The following CHRM3 variants were observed in gnomAD, a reference collection of about 807,000 sequenced individuals.
The protein encoded by CHRM3 is muscarinic acetylcholine receptor M3.
In CHRM3, 11 loss-of-function variants were observed where a neutral mutation model predicts 41.8. The observed-to-expected ratio is 0.26, with a 90% confidence interval of 0.17 to 0.44. The LOEUF (loss-of-function observed/expected upper bound fraction) is 0.44. Among genes scored for constraint, CHRM3 ranks in the 20% least tolerant of loss-of-function variants. The pLI is 1.00. For missense variants in CHRM3, 571 were observed against 745.4 expected, an observed-to-expected ratio of 0.77 and a Z score of 2.72; for synonymous variants, 297 against 301.4, an observed-to-expected ratio of 0.99 and a Z score of 0.15.
intron 4 of CHRM3, among the ~76,000 whole-genome samples, chr1:239,641,378 C>T (rs1671134183): frequency 6.7e-6 from 1 of 149,950 alleles, no homozygotes; most frequent in Admixed American, 6.7e-5. Flanking sequence ...TAAAGTCTCC[C>T]ATTATTATTG....
intron 3 of CHRM3, among the ~76,000 whole-genome samples, chr1:239,601,956 A>T (rs1219457353): frequency 2.6e-5 from 4 of 151,764 alleles, no homozygotes; most frequent in Non-Finnish European, 1.5e-5. Context: ...CATAATGTCA[A>T]TAAATTGATC....
At chr1:239,496,743 A>G (rs2148105484) in intron 2 of CHRM3, among the ~76,000 whole-genome samples, 1 of 152,216 alleles carries the variant, frequency 6.6e-6, no homozygotes, top group South Asian at 2.1e-4. Context: ...GGTTTTTAAA[A>G]AGAATTTTGT....
intron 5 of CHRM3, among the ~76,000 whole-genome samples, chr1:239,820,502 C>A (rs2149040296): frequency 6.6e-6 from 1 of 152,272 alleles, no homozygotes; most frequent in South Asian, 2.1e-4. Context: ...TTATTGTTTT[C>A]TTCTATGATA....
chr1:239,862,633 T>C (rs914218706), intron 6 of CHRM3, among the ~76,000 whole-genome samples: 1 of 152,234 alleles, frequency 6.6e-6, no homozygotes. Flanking sequence ...TTGATAGTTA[T>C]TGATTTGATT....
chr1:239,883,808 T>G (rs1379100938), intron 6 of CHRM3, among the ~76,000 whole-genome samples: 1 of 152,206 alleles, frequency 6.6e-6, no homozygotes, highest in Non-Finnish European at 1.5e-5. Flanking sequence ...GAACAAAATG[T>G]CTCCTGTCTA....
At chr1:239,727,299 C>T (rs554515830) in intron 5 of CHRM3, among the ~76,000 whole-genome samples, 2 of 151,886 alleles carry the variant, frequency 1.3e-5, no homozygotes, top group South Asian at 4.1e-4. Context: ...TGCACCTGAC[C>T]CCAAAAGAAT....
At chr1:239,397,747 C>CTATATATATTTCTA (rs1558189776) in intron 1 of CHRM3, among the ~76,000 whole-genome samples, 1 of 145,738 alleles carries the variant, frequency 6.9e-6, no homozygotes, top group African/African-American at 2.5e-5. Context: ...AAAAATATAT[C>CTATATATATTTCTA]TATATATATT....
chr1:239,409,647 G>C (rs188504812), intron 1 of CHRM3, among the ~76,000 whole-genome samples: 10 of 152,136 alleles, frequency 6.6e-5, no homozygotes, highest in Non-Finnish European at 1.3e-4. Context: ...TAAAATTTGG[G>C]CTTGTCATGA....
At chr1:239,781,294 G>A (rs1469102961) in intron 5 of CHRM3, among the ~76,000 whole-genome samples, 2 of 152,082 alleles carry the variant, frequency 1.3e-5, no homozygotes. Flanking sequence ...TAGTTTCAGA[G>A]TTTCAGAGTT....
intron 3 of CHRM3, among the ~76,000 whole-genome samples, chr1:239,553,352 A>T (rs1352521014): frequency 1.3e-5 from 2 of 152,030 alleles, no homozygotes; most frequent in African/African-American, 4.8e-5. Context: ...ATAATTAAAG[A>T]TTTCCCCTAC....
Position 239,441,362 on chromosome 1 carries a change from C to T in CHRM3, c.-520-51347C>T, listed in dbSNP as rs539444956. Reference sequence around the variant, plus strand: ...TAAGTAAGGTCTTAGACTATTGTACCTTTCATCAGTATCTACTAAGATGTT... The same window carrying T: ...TAAGTAAGGTCTTAGACTATTGTACTTTTCATCAGTATCTACTAAGATGTT... On this transcript the variant is annotated intron_variant, in intron 1 of 6. Coordinates refer to ENST00000676153, the MANE Select transcript of CHRM3 (RefSeq NM_001375978.1). Among the ~76,000 whole-genome samples, 5 of 152,288 alleles carry T rather than the reference C, an allele frequency of 3.3e-5. No homozygotes were observed. The South Asian group carries it at 6.2e-4, about 19-fold the overall frequency.
chr1:239,684,678 G>T, intron 5 of CHRM3, among the ~76,000 whole-genome samples: 1 of 140,872 alleles, frequency 7.1e-6, no homozygotes, highest in African/African-American at 2.7e-5. Flanking sequence ...AAGAAAAAAA[G>T]GAAGGAAGGA....
chr1:239,537,750 C>CT (rs1323424994), intron 2 of CHRM3, among the ~76,000 whole-genome samples: 1 of 152,112 alleles, frequency 6.6e-6, no homozygotes, highest in African/African-American at 2.4e-5. Flanking sequence ...ATCCTAATTT[C>CT]TTTTTTGCAA....
chr1:239,496,009 T>G (rs1667852814), intron 2 of CHRM3, among the ~76,000 whole-genome samples: 1 of 152,170 alleles, frequency 6.6e-6, no homozygotes, highest in South Asian at 2.1e-4. Context: ...GCAACTTCTC[T>G]GTTCCTGGTA....
At chr1:239,737,478 T>C (rs1000787066) in intron 5 of CHRM3, among the ~76,000 whole-genome samples, 48 of 152,200 alleles carry the variant, frequency 3.2e-4, no homozygotes, top group African/African-American at 1.1e-3. Flanking sequence ...GGTGTTCAGA[T>C]GTTTCAAATG....
chr1:239,435,378 G>A (rs1340579188), intron 1 of CHRM3, among the ~76,000 whole-genome samples: 1 of 151,722 alleles, frequency 6.6e-6, no homozygotes, highest in Non-Finnish European at 1.5e-5. Context: ...GAACCCGGGA[G>A]GCAGAGGTTG....
At chr1:239,887,517 C>T (rs879669700) in intron 6 of CHRM3, among the ~76,000 whole-genome samples, 3 of 152,204 alleles carry the variant, frequency 2.0e-5, no homozygotes, top group Admixed American at 2.0e-4. Context: ...GCCATGGTGC[C>T]AGGCCTTCAG....
At position 239,761,257 on chromosome 1, in the gene CHRM3, TTTC is replaced by T. The variant is rs1330966370; in HGVS notation, c.-146-65994_-146-65992del. Among the ~76,000 whole-genome samples the T allele has an allele frequency of 7.2e-5, 11 of 152,316 alleles. No individual in the cohort carries two copies. The East Asian group carries it at 2.1e-3, about 29-fold the overall frequency. ...TGGTTCTTTTTATGCCTTATATGAT[TTTC>T]CTTATCATGTTTGTGCTTTACCTTC... On this transcript the variant is annotated intron_variant, in intron 5 of 6. Coordinates refer to ENST00000676153, the MANE Select transcript of CHRM3 (RefSeq NM_001375978.1).
intron 5 of CHRM3, among the ~76,000 whole-genome samples, chr1:239,678,617 T>C (rs939502715): frequency 1.1e-4 from 17 of 152,188 alleles, no homozygotes; most frequent in South Asian, 2.1e-4. Context: ...ATATGACTGA[T>C]ACTCTGGTAT....
Sources: allele counts gnomAD v4.1 joint callset (sites outside exome capture counted in the v4.1 genomes callset), GRCh38; gene constraint gnomAD v4.1.1; transcripts MANE v1.5; gene names NCBI Gene and HGNC (gene_info 2026-07-23, HGNC 2026-07-21).